The following CNTNAP2 variants were observed in gnomAD, a reference collection of about 807,000 sequenced individuals.
CNTNAP2 encodes the protein contactin-associated protein-like 2.
Under a neutral mutation model 155.2 loss-of-function variants are expected in CNTNAP2, and 98 were observed. That is an observed-to-expected ratio of 0.63 (90% CI 0.54 to 0.75). CNTNAP2 has a LOEUF of 0.75. CNTNAP2 is among the 30% of genes least tolerant of loss of function. The pLI is 0.00. For synonymous variants in CNTNAP2, 651 were observed against 631.2 expected (o/e 1.03, Z -0.47); for missense variants, 1,727 against 1,688.1 (o/e 1.02, Z -0.40).
Position 147,818,064 on chromosome 7 carries a change from A to T in CNTNAP2, c.2099-85501A>T, listed in dbSNP as rs555078998. Among the ~76,000 whole-genome samples, 297 of 151,534 alleles carry T rather than the reference A, an allele frequency of 2.0e-3. 2 individuals are homozygous for T. Among genetic ancestry groups the T allele is most frequent in the Middle Eastern group, 3.4e-3 (1 of 294 alleles). On this transcript the variant is annotated intron_variant, in intron 13 of 23. Transcript: ENST00000361727. ...CAGAATTTTTCATTAATTTTTTTTT[A>T]AAAAAATCAGTTATTCCCACATAAC... is the stretch of plus-strand genomic sequence containing the variant.
Position 147,262,856 on chromosome 7 carries a change from T to A in CNTNAP2, c.1349-37285T>A, listed in dbSNP as rs185892635. Among the ~76,000 whole-genome samples, 214 of 152,182 alleles carry A rather than the reference T, an allele frequency of 1.4e-3. 1 individual carries two copies. Among genetic ancestry groups the A allele is most frequent in the African/African-American group, 5.0e-3 (208 of 41,538 alleles). Reference sequence around the variant, plus strand: ...GTACCCAAGTACAAGGAAAGACGACTCAGAAGAACCCAAATGTACTGACAA... The same window carrying A: ...GTACCCAAGTACAAGGAAAGACGACACAGAAGAACCCAAATGTACTGACAA... On this transcript the variant is annotated intron_variant, in intron 8 of 23. Transcript: ENST00000361727.
At chr7:148,095,913 A>G (rs2116571626) in intron 15 of CNTNAP2, among the ~76,000 whole-genome samples, 1 of 152,366 alleles carries the variant, frequency 6.6e-6, no homozygotes, top group South Asian at 2.1e-4. Flanking sequence ...CATGTCAACT[A>G]GAGCAGGAGA....
chr7:147,374,719 G>C (rs551672583), intron 9 of CNTNAP2, among the ~76,000 whole-genome samples: 2 of 152,074 alleles, frequency 1.3e-5, no homozygotes, highest in South Asian at 4.2e-4. Flanking sequence ...GCTATATTCT[G>C]GAAACATAGG....
At chr7:146,330,022 T>C (rs1298408993) in intron 1 of CNTNAP2, among the ~76,000 whole-genome samples, 1 of 136,202 alleles carries the variant, frequency 7.3e-6, no homozygotes, top group East Asian at 2.0e-4. Context: ...CTTTTTTTTT[T>C]TTTTTTTTTT....
Position 146,721,280 on chromosome 7 carries a change from T to TAC in CNTNAP2, c.98-52990_98-52989insCA, listed in dbSNP as rs1227566505. Among the ~76,000 whole-genome samples the TAC allele has an allele frequency of 2.5e-3, 335 of 131,510 alleles. 13 individuals are homozygous for TAC. Among genetic ancestry groups the TAC allele is most frequent in the East Asian group, 8.1e-3 (37 of 4,542 alleles). The allele number at this position is 131,510 out of a possible 152,430, so 86.3% of individuals were successfully genotyped here. ...ATATACTCTCTATATATTCTATATATATTCTATATATATTCTATATATGTA... is the reference window on the plus strand; with the variant it reads ...ATATACTCTCTATATATTCTATATATACATTCTATATATATTCTATATATGTA... On this transcript the variant is annotated intron_variant, in intron 1 of 23. Transcript: ENST00000361727.
Position 147,884,879 on chromosome 7 carries a change from G to T in CNTNAP2, c.2099-18686G>T, listed in dbSNP as rs1413430122. Reference sequence around the variant, plus strand: ...AGACCGGGTAATGGATGAATAATGTGTGACTCTGCCAGTTTGATGTGTTAT... The same window carrying T: ...AGACCGGGTAATGGATGAATAATGTTTGACTCTGCCAGTTTGATGTGTTAT... On this transcript the variant is annotated intron_variant, in intron 13 of 23. Transcript: ENST00000361727. Among the ~76,000 whole-genome samples the T allele has an allele frequency of 3.3e-5, 5 of 151,134 alleles. No homozygotes were observed. The Admixed American group carries it at 3.3e-4, about 10-fold the overall frequency.
intron 15 of CNTNAP2, among the ~76,000 whole-genome samples, chr7:148,093,055 T>G (rs1803880560): frequency 6.6e-6 from 1 of 151,936 alleles, no homozygotes; most frequent in Non-Finnish European, 1.5e-5. Context: ...CTTTATAATA[T>G]ATATAGGGTT....
intron 1 of CNTNAP2, among the ~76,000 whole-genome samples, chr7:146,625,255 T>C (rs1416854284): frequency 1.3e-5 from 2 of 151,792 alleles, no homozygotes; most frequent in African/African-American, 4.8e-5. Context: ...CATAAGACTC[T>C]CTGGAGAAAA....
chr7:147,350,331 T>C (rs1387940054), intron 9 of CNTNAP2, among the ~76,000 whole-genome samples: 1 of 151,916 alleles, frequency 6.6e-6, no homozygotes, highest in African/African-American at 2.4e-5. Context: ...CAAAGTGAAA[T>C]AGTTTATGTT....
At chr7:146,371,574 T>A (rs1584893901) in intron 1 of CNTNAP2, among the ~76,000 whole-genome samples, 1 of 151,720 alleles carries the variant, frequency 6.6e-6, no homozygotes. Context: ...AAACGGGGTT[T>A]CACCATGGTC....
At chr7:146,843,596 C>CAAAAAAA (rs10639255) in intron 3 of CNTNAP2, among the ~76,000 whole-genome samples, 2 of 126,554 alleles carry the variant, frequency 1.6e-5, no homozygotes, top group Non-Finnish European at 1.6e-5. Context: ...CTTACTAATA[C>CAAAAAAA]AAAAAAAAAA....
chr7:146,960,177 TAA>T (rs1259596640), intron 3 of CNTNAP2, among the ~76,000 whole-genome samples: 3 of 152,150 alleles, frequency 2.0e-5, no homozygotes, highest in Non-Finnish European at 4.4e-5. Context: ...GGGAAAAAAA[TAA>T]GTTTCTTTTT....
rs1034590818 is a variant in CNTNAP2, at chr7:146,906,539, C to T, written c.402+66635C>T. On this transcript the variant is annotated intron_variant, in intron 3 of 23. Transcript: ENST00000361727. ...ACTGGGAGGCACCCCCCAGCAGGGG[C>T]ACACTGACACCTCACACAGCAGGGT... Among the ~76,000 whole-genome samples, 142 of 152,194 alleles carry T rather than the reference C, an allele frequency of 9.3e-4. 1 individual carries two copies. Among genetic ancestry groups the T allele is most frequent in the African/African-American group, 3.2e-3 (134 of 41,540 alleles).
chr7:146,759,337 G>A (rs1405511721), intron 1 of CNTNAP2, among the ~76,000 whole-genome samples: 1 of 152,066 alleles, frequency 6.6e-6, no homozygotes, highest in East Asian at 1.9e-4. Context: ...CTTAAAATAA[G>A]GGAAATGTGT....
intron 14 of CNTNAP2, among the ~76,000 whole-genome samples, chr7:147,931,794 A>G (rs1207398297): frequency 6.6e-6 from 1 of 152,218 alleles, no homozygotes; most frequent in Non-Finnish European, 1.5e-5. Context: ...TAATATCATT[A>G]AAATGTCCAT....
intron 9 of CNTNAP2, among the ~76,000 whole-genome samples, chr7:147,325,150 A>G (rs1368064476): frequency 6.6e-6 from 1 of 152,120 alleles, no homozygotes; most frequent in Non-Finnish European, 1.5e-5. Flanking sequence ...AATACAAAAA[A>G]TTAGCTGGGC....
chr7:147,721,243 C>T (rs1413867101), intron 13 of CNTNAP2, among the ~76,000 whole-genome samples: 1 of 151,760 alleles, frequency 6.6e-6, no homozygotes, highest in Non-Finnish European at 1.5e-5. Context: ...TTTGGGTTTT[C>T]CTGTATATTT....
At chr7:146,421,084 A>T (rs1014274366) in intron 1 of CNTNAP2, among the ~76,000 whole-genome samples, 1 of 152,090 alleles carries the variant, frequency 6.6e-6, no homozygotes, top group African/African-American at 2.4e-5. Context: ...AAAAGGTATG[A>T]TGTCAAGAAG....
chr7:147,267,347 T>A (rs1028503820), intron 8 of CNTNAP2, among the ~76,000 whole-genome samples: 2 of 152,134 alleles, frequency 1.3e-5, no homozygotes, highest in African/African-American at 4.8e-5. Context: ...AAAACAGTAT[T>A]AATAATGTCC....
Sources: gnomAD v4.1 joint callset for allele counts (sites outside exome capture counted in the v4.1 genomes callset) on GRCh38, gnomAD v4.1.1 for gene constraint, MANE v1.5 for transcripts, NCBI Gene and HGNC (gene_info 2026-07-23, HGNC 2026-07-21) for gene names.